XIRP2: variants seen among roughly 807,000 people sequenced by gnomAD.
The protein encoded by XIRP2 is xin actin-binding repeat-containing protein 2.
A neutral mutation model predicts 277.0 loss-of-function variants in XIRP2; 236 were observed. That is an observed-to-expected ratio of 0.85 (90% confidence interval 0.77 to 0.95). XIRP2 has a LOEUF of 0.95. Ranked by LOEUF, XIRP2 falls within the 40% of genes least tolerant of loss-of-function variation. The probability of loss-of-function intolerance (pLI) is 0.00; values close to 1 mark genes in which losing one functional copy is unlikely to be tolerated. For synonymous variants in XIRP2, 1,490 were observed against 1,416.5 expected (o/e 1.05, Z -1.17); for missense variants, 4,640 against 4,157.5 (o/e 1.12, Z -3.19).
chr2:167,238,276 G>A (rs1694958045), intron 5 of XIRP2, among the ~76,000 whole-genome samples: 1 of 152,032 alleles, frequency 6.6e-6, no homozygotes, highest in Non-Finnish European at 1.5e-5. Flanking sequence ...CTATGCCTAG[G>A]AAGCATTCTG....
intron 2 of XIRP2, among the ~76,000 whole-genome samples, chr2:167,011,115 A>T (rs1687666111): frequency 6.7e-6 from 1 of 149,420 alleles, no homozygotes; most frequent in Non-Finnish European, 1.5e-5. Context: ...TATGTTGAAT[A>T]GGAGTGGTGA....
intron 2 of XIRP2, among the ~76,000 whole-genome samples, chr2:166,951,583 GA>G (rs997654358): frequency 1.3e-5 from 2 of 151,676 alleles, no homozygotes; most frequent in African/African-American, 4.8e-5. Flanking sequence ...TTCCAAGTTA[GA>G]AAAAAAAGTT....
chr2:167,188,781 G>T (rs1314659361), intron 3 of XIRP2, among the ~76,000 whole-genome samples: 1 of 152,228 alleles, frequency 6.6e-6, no homozygotes. Context: ...AGTGCCAACT[G>T]TTTGGGAAAA....
At chr2:167,206,123 G>C (rs916973805) in intron 3 of XIRP2, among the ~76,000 whole-genome samples, 1 of 152,120 alleles carries the variant, frequency 6.6e-6, no homozygotes, top group African/African-American at 2.4e-5. Context: ...CATGTATCTG[G>C]ATAACTGCAG....
rs1035116080 is a variant in XIRP2 at position 166,999,632 on chromosome 2, C to T, written c.408+95742C>T. 2.0e-5 allele frequency among the ~76,000 whole-genome samples: 3 copies of T among 152,038 alleles called. No homozygotes were observed. The East Asian group carries it at 5.8e-4, about 29-fold the overall frequency. The stretch of plus-strand genomic sequence containing the variant: ...GGCCAGTTCTGTCTCTATTTTACAC[C>T]ATGTCTTAGAATGTCAGTCATTCAC... On this transcript the variant is annotated intron_variant, in intron 2 of 10. Transcript: ENST00000409195.
At chr2:166,972,076 C>T (rs1025916854) in intron 2 of XIRP2, among the ~76,000 whole-genome samples, 1 of 151,960 alleles carries the variant, frequency 6.6e-6, no homozygotes, top group Non-Finnish European at 1.5e-5. Flanking sequence ...TTTAGATGAG[C>T]CCCCACCTCC....
At chr2:166,925,863 A>C (rs1368411048) in intron 2 of XIRP2, among the ~76,000 whole-genome samples, 2 of 151,678 alleles carry the variant, frequency 1.3e-5, no homozygotes, top group Admixed American at 1.3e-4. Context: ...TGAGGCCAGG[A>C]GTTCTAGTCC....
intron 2 of XIRP2, among the ~76,000 whole-genome samples, chr2:167,000,031 C>T (rs1687323484): frequency 2.0e-5 from 3 of 152,176 alleles, no homozygotes; most frequent in East Asian, 1.9e-4. Flanking sequence ...AATAAATTTC[C>T]ATTTGAAATG....
intron 2 of XIRP2, among the ~76,000 whole-genome samples, chr2:166,916,575 A>G (rs558807533): frequency 6.6e-6 from 1 of 152,360 alleles, no homozygotes; most frequent in South Asian, 2.1e-4. Context: ...AAAAATAAGG[A>G]TTATTCTCAT....
chr2:167,000,079 A>G (rs1687324610), intron 2 of XIRP2, among the ~76,000 whole-genome samples: 1 of 152,184 alleles, frequency 6.6e-6, no homozygotes, highest in Admixed American at 6.5e-5. Flanking sequence ...AATAGTGTAA[A>G]ACAAATTGCC....
chr2:166,905,608 T>C (rs2105338901), intron 2 of XIRP2, among the ~76,000 whole-genome samples: 1 of 152,128 alleles, frequency 6.6e-6, no homozygotes, highest in South Asian at 2.1e-4. Context: ...TAAGGTTCTA[T>C]GTCATAATAT....
chr2:167,235,453 C>T (rs1694874032), intron 5 of XIRP2, among the ~76,000 whole-genome samples: 1 of 151,820 alleles, frequency 6.6e-6, no homozygotes, highest in Admixed American at 6.6e-5. Context: ...AAAAAAGTGA[C>T]TACTGTATTT....
In XIRP2 at chr2:167,255,264, C is replaced by T. The variant is rs137880323; in HGVS notation, c.*39+1099C>T. On this transcript the variant is annotated intron_variant, in intron 10 of 10. Transcript: ENST00000409195. ...GCCAAATCTCTCTGTGCATCAGATG[C>T]TTATATCTCAATGACTGATATACTT... Among the ~76,000 whole-genome samples the T allele has an allele frequency of 4.6e-5, 7 of 151,948 alleles. No individual in the cohort carries two copies. The East Asian group carries it at 7.8e-4, about 17-fold the overall frequency.
At chr2:167,026,470 T>A (rs1235458781) in intron 2 of XIRP2, among the ~76,000 whole-genome samples, 2 of 152,162 alleles carry the variant, frequency 1.3e-5, no homozygotes, top group Non-Finnish European at 2.9e-5. Context: ...AAGTTAATAT[T>A]GTTATGTGTG....
At chr2:167,187,211 C>T in intron 3 of XIRP2, 2 of 979,642 alleles carry the variant, frequency 2.0e-6, no homozygotes, top group Non-Finnish European at 2.4e-6. Context: ...GCATACATTA[C>T]TGAGGGCACT....
intron 3 of XIRP2, among the ~76,000 whole-genome samples, chr2:167,201,635 C>G (rs1693725000): frequency 6.6e-6 from 1 of 152,100 alleles, no homozygotes; most frequent in African/African-American, 2.4e-5. Flanking sequence ...GAGGAATTTG[C>G]TTTGATTTCT....
Position 167,248,257 on chromosome 2 carries a change from C to T in XIRP2, c.6865C>T (p.Leu2289Phe). The change falls in exon 9 of 11, where the codon CTT becomes TTT. Residue 2289 changes from leucine to phenylalanine, a missense_variant. By Grantham distance (22) the Leu-to-Phe change is conservative. Coordinates refer to ENST00000409195, the MANE Select transcript of XIRP2 (RefSeq NM_152381.6). ...ENNVKESECP[L>F]PPPSPPPPPP... ...TAATGTAAAAGAAAGTGAGTGCCCCCTTCCACCTCCATCTCCACCTCCTCC... is the reference window on the plus strand; with the variant it reads ...TAATGTAAAAGAAAGTGAGTGCCCCTTTCCACCTCCATCTCCACCTCCTCC... 1 of 1,613,576 alleles carries T rather than the reference C, an allele frequency of 6.2e-7. No individual in the cohort carries two copies. Among genetic ancestry groups the T allele is most frequent in the Admixed American group, 1.7e-5 (1 of 59,906 alleles).
At position 166,987,894 on chromosome 2, in the gene XIRP2, A is replaced by C. The variant is rs535292194; in HGVS notation, c.408+84004A>C. The stretch of plus-strand genomic sequence containing the variant: ...TGCATGATAGATATTAACATGAATA[A>C]GAAATTGAATGCATAACAAATAGGA... On this transcript the variant is annotated intron_variant, in intron 2 of 10. Coordinates refer to ENST00000409195, the MANE Select transcript of XIRP2 (RefSeq NM_152381.6). Among the ~76,000 whole-genome samples, 3 of 152,358 alleles carry C rather than the reference A, an allele frequency of 2.0e-5. No homozygotes were observed. The South Asian group carries it at 6.2e-4, about 32-fold the overall frequency.
intron 2 of XIRP2, among the ~76,000 whole-genome samples, chr2:167,107,539 TATA>T (rs540012888): frequency 9.9e-5 from 15 of 151,766 alleles, no homozygotes; most frequent in Admixed American, 2.0e-4. Flanking sequence ...CTTGCTTCTC[TATA>T]ATAAGTCTTA....
Sources: gnomAD v4.1 joint callset for allele counts (sites outside exome capture counted in the v4.1 genomes callset) on GRCh38, gnomAD v4.1.1 for gene constraint, MANE v1.5 for transcripts, NCBI Gene and HGNC (gene_info 2026-07-23, HGNC 2026-07-21) for gene names.